The following GRID1 variants were observed in gnomAD, a reference collection of about 807,000 sequenced individuals.
GRID1 encodes glutamate ionotropic receptor delta type subunit 1.
In GRID1, 28 loss-of-function variants were observed where a neutral mutation model predicts 98.0. That is an observed-to-expected ratio of 0.29 (90% CI 0.21 to 0.39). The LOEUF (loss-of-function observed/expected upper bound fraction) is 0.39. Ranked by LOEUF, GRID1 falls within the 10% of genes least tolerant of loss-of-function variation. The pLI is 1.00. For synonymous variants in GRID1, 553 were observed against 538.5 expected, an observed-to-expected ratio of 1.03 and a Z score of -0.37; for missense variants, 1,111 against 1,340.5, an observed-to-expected ratio of 0.83 and a Z score of 2.67.
At chr10:86,121,534 A>ACCACCATCATTACCATTACCATCATC (rs1844672810) in intron 4 of GRID1, among the ~76,000 whole-genome samples, 1 of 152,368 alleles carries the variant, frequency 6.6e-6, no homozygotes, top group South Asian at 2.1e-4. Flanking sequence ...CATCACCATC[A>ACCACCATCATTACCATTACCATCATC]TCACCATCAC....
intron 2 of GRID1, among the ~76,000 whole-genome samples, chr10:86,252,652 A>T (rs1846855386): frequency 6.6e-6 from 1 of 152,250 alleles, no homozygotes; most frequent in East Asian, 1.9e-4. Flanking sequence ...GACACTCAGC[A>T]TCTGTCACCT....
chr10:85,639,813 C>T (rs971295431), intron 13 of GRID1, among the ~76,000 whole-genome samples: 3 of 152,190 alleles, frequency 2.0e-5, no homozygotes, highest in Middle Eastern at 3.4e-3. Context: ...GCGGAGGTTG[C>T]GGTGAGCTGA....
chr10:85,904,837 G>A (rs1261373902), intron 5 of GRID1, among the ~76,000 whole-genome samples: 5 of 151,634 alleles, frequency 3.3e-5, no homozygotes, highest in Non-Finnish European at 5.9e-5. Flanking sequence ...AAGAGAAAAA[G>A]AACATCAGTG....
At chr10:85,741,164 A>T in intron 8 of GRID1, among the ~76,000 whole-genome samples, 1 of 152,112 alleles carries the variant, frequency 6.6e-6, no homozygotes, top group East Asian at 1.9e-4. Flanking sequence ...TTCCTCATTA[A>T]ATGGCTGGAA....
intron 4 of GRID1, among the ~76,000 whole-genome samples, chr10:86,072,699 A>G (rs920846374): frequency 7.9e-5 from 12 of 152,202 alleles, no homozygotes; most frequent in Middle Eastern, 3.2e-3. Context: ...GCTTTTCTTC[A>G]TGGGTTTTCA....
At chr10:86,090,009 A>G (rs906479402) in intron 4 of GRID1, among the ~76,000 whole-genome samples, 2 of 152,200 alleles carry the variant, frequency 1.3e-5, no homozygotes, top group African/African-American at 2.4e-5. Context: ...GGCCTCCCAA[A>G]GTGCTGGGAT....
intron 8 of GRID1, among the ~76,000 whole-genome samples, chr10:85,784,010 T>C: frequency 6.6e-6 from 1 of 152,192 alleles, no homozygotes; most frequent in East Asian, 1.9e-4. Flanking sequence ...AATGTTCAGC[T>C]TCTTCGTGAT....
intron 3 of GRID1, among the ~76,000 whole-genome samples, chr10:86,152,713 C>T (rs891115149): frequency 6.6e-6 from 1 of 152,152 alleles, no homozygotes; most frequent in African/African-American, 2.4e-5. Flanking sequence ...AGGGGTAGGA[C>T]CACTGTGAGG....
chr10:85,620,085 G>A, intron 13 of GRID1, 52 bp from the exon 14 acceptor site: 2 of 1,493,664 alleles, frequency 1.3e-6, no homozygotes, highest in Non-Finnish European at 1.9e-6. Flanking sequence ...AGCTGTGTCA[G>A]CTTTGATTGG....
chr10:86,128,136 G>A (rs960734436), intron 4 of GRID1, among the ~76,000 whole-genome samples: 5 of 151,736 alleles, frequency 3.3e-5, no homozygotes, highest in South Asian at 2.1e-4. Context: ...AAGCATCATC[G>A]TGGCCCCAGC....
intron 6 of GRID1, among the ~76,000 whole-genome samples, chr10:85,858,446 A>T (rs1294069776): frequency 6.6e-6 from 1 of 152,128 alleles, no homozygotes; most frequent in Non-Finnish European, 1.5e-5. Context: ...GCCCTCAGCC[A>T]CTTGAGGCCT....
intron 3 of GRID1, among the ~76,000 whole-genome samples, chr10:86,189,790 C>G (rs755374928): frequency 6.6e-4 from 101 of 152,278 alleles, no homozygotes; most frequent in Non-Finnish European, 1.2e-3. Context: ...ACAAATGTCC[C>G]CAGACGCTGC....
intron 8 of GRID1, among the ~76,000 whole-genome samples, chr10:85,796,143 A>G (rs989250717): frequency 6.6e-6 from 1 of 152,210 alleles, no homozygotes; most frequent in African/African-American, 2.4e-5. Context: ...GAGAGAATAG[A>G]GAATAAAGAT....
intron 8 of GRID1, among the ~76,000 whole-genome samples, chr10:85,764,063 G>T (rs61855960): frequency 0.041 from 6,294 of 152,196 alleles, 190 homozygotes; most frequent in Non-Finnish European, 0.062. Flanking sequence ...AAAGAGATGC[G>T]TTTTCTGCCT....
chr10:85,917,208 C>A (rs1841632868), intron 4 of GRID1, among the ~76,000 whole-genome samples: 1 of 152,072 alleles, frequency 6.6e-6, no homozygotes, highest in Admixed American at 6.5e-5. Flanking sequence ...AGCCTGGGCA[C>A]TGAGCCAGGC....
chr10:86,025,280 A>G (rs1343061256), intron 4 of GRID1, among the ~76,000 whole-genome samples: 3 of 152,148 alleles, frequency 2.0e-5, no homozygotes, highest in Non-Finnish European at 4.4e-5. Flanking sequence ...AATATAATGC[A>G]TGTAAATGTA....
chr10:86,032,215 G>A lies in GRID1; in HGVS notation c.726+106604C>T, dbSNP rs143005911. ...TGAGAGGGAGGGAGGTGGGGGGGCA[G>A]CCCCCGCCCGGCAGCCACCCTGTCC... On this transcript the variant is annotated intron_variant, in intron 4 of 15. Coordinates refer to ENST00000327946, the MANE Select transcript of GRID1 (RefSeq NM_017551.3). Among the ~76,000 whole-genome samples, 255 of 152,198 alleles carry A rather than the reference G, an allele frequency of 1.7e-3. 1 individual carries two copies. The highest frequency in any genetic ancestry group is 5.8e-3 in the African/African-American group (241 of 41,534).
chr10:85,774,153 C>T lies in GRID1; in HGVS notation c.1234-44539G>A, dbSNP rs1480073616. On this transcript the variant is annotated intron_variant, in intron 8 of 15. Coordinates refer to ENST00000327946, the MANE Select transcript of GRID1 (RefSeq NM_017551.3). Reference sequence around the variant, plus strand: ...TAGCGATCAATGGAACAGAACAGAGCCCTCAGAAATAACGCCGCATATCTA... The same window carrying T: ...TAGCGATCAATGGAACAGAACAGAGTCCTCAGAAATAACGCCGCATATCTA... Among the ~76,000 whole-genome samples, 3 of 152,128 alleles carry T rather than the reference C, an allele frequency of 2.0e-5. No homozygotes were observed. In the East Asian group the frequency reaches 5.8e-4, roughly 29 times the overall value.
intron 4 of GRID1, among the ~76,000 whole-genome samples, chr10:85,941,395 A>C (rs1177828244): frequency 6.6e-6 from 1 of 152,232 alleles, no homozygotes; most frequent in African/African-American, 2.4e-5. Context: ...GAATATATAC[A>C]TGTTGAATAT....
Sources: allele counts gnomAD v4.1 joint callset (sites outside exome capture counted in the v4.1 genomes callset), GRCh38; gene constraint gnomAD v4.1.1; transcripts MANE v1.5; gene names NCBI Gene and HGNC (gene_info 2026-07-23, HGNC 2026-07-21).